STK31: variants seen among roughly 807,000 people sequenced by gnomAD.
The protein encoded by STK31 is serine/threonine kinase 31.
A neutral mutation model predicts 129.7 loss-of-function variants in STK31; 89 were observed. The observed-to-expected ratio is 0.69, with a 90% CI of 0.58 to 0.82. The LOEUF (loss-of-function observed/expected upper bound fraction) is 0.82, where lower values mean the gene tolerates loss of function less well. Ranked by LOEUF, STK31 falls within the 40% of genes least tolerant of loss-of-function variation. STK31 has a pLI of 0.00. For missense variants in STK31, 1,187 were observed against 1,176.4 expected, an observed-to-expected ratio of 1.01 and a Z score of -0.13; for synonymous variants, 448 against 395.3, an observed-to-expected ratio of 1.13 and a Z score of -1.58.
intron 16 of STK31, among the ~76,000 whole-genome samples, chr7:23,782,093 A>AT (rs1467831419): frequency 1.3e-5 from 2 of 152,058 alleles, no homozygotes; most frequent in East Asian, 1.9e-4. Flanking sequence ...AAGTCATTGT[A>AT]TTTTTTCTTT....
In STK31 at chr7:23,735,744, A is replaced by G. The variant is rs998932298; in HGVS notation, c.690A>G (p.Gln230=). 14 of 1,614,034 alleles carry G rather than the reference A, an allele frequency of 8.7e-6. No homozygotes were observed. The highest frequency in any genetic ancestry group is 2.2e-5 in the South Asian group (2 of 91,092). The change falls in exon 7 of 24, where the codon CAA becomes CAG. Residue 230 remains glutamine (Q), a synonymous_variant. Transcript: ENST00000355870. Reference sequence around the variant, plus strand: ...AGGAAAAAAAATTGGATCCTGGTCAACTTGTTCTCAGGAACCTCAAAAGCC... The same window carrying G: ...AGGAAAAAAAATTGGATCCTGGTCAGCTTGTTCTCAGGAACCTCAAAAGCC... The part of the protein sequence containing the change: ...ICEEKKLDPG[Q]LVLRNLKSPI...
At chr7:23,733,070 TATTGA>T (rs1292035931) in intron 6 of STK31, among the ~76,000 whole-genome samples, 6 of 152,118 alleles carry the variant, frequency 3.9e-5, no homozygotes, top group Admixed American at 1.3e-4. Context: ...TGATATAATA[TATTGA>T]ATTCTTGGTG....
intron 23 of STK31, among the ~76,000 whole-genome samples, chr7:23,826,105 C>T (rs983420731): frequency 2.6e-5 from 4 of 152,210 alleles, no homozygotes; most frequent in East Asian, 1.9e-4. Flanking sequence ...CTGTAGATGT[C>T]TATTAGGTCC....
chr7:23,726,904 A>G (rs1454534368), intron 4 of STK31, among the ~76,000 whole-genome samples: 3 of 152,084 alleles, frequency 2.0e-5, no homozygotes, highest in Non-Finnish European at 4.4e-5. Flanking sequence ...ATCGCCTCAG[A>G]TATTATAATA....
chr7:23,779,144 G>C (rs575565616), intron 15 of STK31, among the ~76,000 whole-genome samples: 3 of 152,304 alleles, frequency 2.0e-5, no homozygotes, highest in African/African-American at 7.2e-5. Context: ...TGCAGACCCT[G>C]TTTGCCTGGG....
intron 4 of STK31, chr7:23,721,214 T>C: frequency 2.7e-6 from 1 of 370,494 alleles, no homozygotes; most frequent in Non-Finnish European, 4.9e-6. Flanking sequence ...TTCGCTCTGA[T>C]GAAAGAAATA....
chr7:23,731,820 G>A (rs1210393547), intron 6 of STK31, among the ~76,000 whole-genome samples: 1 of 152,186 alleles, frequency 6.6e-6, no homozygotes, highest in African/African-American at 2.4e-5. Flanking sequence ...CAATTTAAAG[G>A]CCTTTTAGCT....
chr7:23,790,750 T>C (rs1791565393), intron 21 of STK31, 74 bp from the exon 22 acceptor site: 3 of 1,310,180 alleles, frequency 2.3e-6, no homozygotes, highest in Non-Finnish European at 3.0e-6. Flanking sequence ...TTGTATTGAT[T>C]AAATGCAGAG....
At chr7:23,769,244 C>CT in intron 12 of STK31, 70 bp downstream of exon 12, 1 of 1,384,366 alleles carries the variant, frequency 7.2e-7, no homozygotes, top group South Asian at 2.0e-5. Flanking sequence ...AAATCACGCG[C>CT]TTTGTTCAAG....
intron 11 of STK31, among the ~76,000 whole-genome samples, chr7:23,765,087 G>A (rs149201550): frequency 0.099 from 14,877 of 150,654 alleles, 1,033 homozygotes; most frequent in African/African-American, 0.2. Flanking sequence ...ATGGAGTCTC[G>A]CTCTGTCGCC....
intron 3 of STK31, among the ~76,000 whole-genome samples, chr7:23,713,799 G>A (rs1310797053): frequency 6.6e-6 from 1 of 152,030 alleles, no homozygotes; most frequent in Admixed American, 6.6e-5. Flanking sequence ...AGAAGGACTT[G>A]AGGCGGCTGT....
chr7:23,772,320 C>A, intron 15 of STK31, 42 bp downstream of exon 15: 1 of 1,580,278 alleles, frequency 6.3e-7, no homozygotes, highest in Non-Finnish European at 8.6e-7. Flanking sequence ...ATGTGCATCT[C>A]ATTTTACTTG....
intron 23 of STK31, among the ~76,000 whole-genome samples, chr7:23,821,222 A>G (rs555336904): frequency 6.6e-6 from 1 of 152,306 alleles, no homozygotes; most frequent in African/African-American, 2.4e-5. Flanking sequence ...AAATATTTGT[A>G]CTATTTTCCA....
Position 23,781,403 on chromosome 7 carries a change from T to G in STK31, c.1966-16T>G. On this transcript the variant is annotated splice_polypyrimidine_tract_variant and intron_variant, in intron 15 of 23. Coordinates refer to ENST00000355870, the MANE Select transcript of STK31 (RefSeq NM_031414.5). ...TCTCTATGTTAATAAAAAACACTTT[T>G]TCTTTCTGATTCAAGTCAGATGATC... 1 of 1,584,202 alleles carries G rather than the reference T, an allele frequency of 6.3e-7. No individual in the cohort carries two copies. Among genetic ancestry groups the G allele is most frequent in the Non-Finnish European group, 8.6e-7 (1 of 1,163,584 alleles).
At chr7:23,804,091 TTTA>T (rs1237963273) in intron 22 of STK31, among the ~76,000 whole-genome samples, 1 of 152,078 alleles carries the variant, frequency 6.6e-6, no homozygotes, top group Non-Finnish European at 1.5e-5. Flanking sequence ...TATTTATTTA[TTTA>T]TTTTTAAGAG....
chr7:23,777,138 G>GTT (rs1177907012), intron 15 of STK31, among the ~76,000 whole-genome samples: 1 of 152,020 alleles, frequency 6.6e-6, no homozygotes, highest in African/African-American at 2.4e-5. Flanking sequence ...GGTTTTCAGA[G>GTT]AGTTTCTCAA....
At chr7:23,813,743 G>A (rs1793297383) in intron 22 of STK31, among the ~76,000 whole-genome samples, 3 of 152,166 alleles carry the variant, frequency 2.0e-5, no homozygotes. Flanking sequence ...GGAGACCCTG[G>A]TCTATGGGAT....
intron 22 of STK31, among the ~76,000 whole-genome samples, chr7:23,794,789 T>C (rs1204438439): frequency 6.6e-6 from 1 of 152,242 alleles, no homozygotes; most frequent in Non-Finnish European, 1.5e-5. Context: ...GTCCTAGAGA[T>C]TGGTGAAACT....
At chr7:23,710,691 C>A (rs181531832) in intron 1 of STK31, 3 of 1,111,898 alleles carry the variant, frequency 2.7e-6, no homozygotes, top group Admixed American at 4.3e-5. Flanking sequence ...ATTTTCATCA[C>A]GAAGTGGAGA....
Sources: gnomAD v4.1 joint callset for allele counts (sites outside exome capture counted in the v4.1 genomes callset) on GRCh38, gnomAD v4.1.1 for gene constraint, MANE v1.5 for transcripts, NCBI Gene and HGNC (gene_info 2026-07-23, HGNC 2026-07-21) for gene names.